ITGA1: variants seen among roughly 807,000 people sequenced by gnomAD.
ITGA1 encodes integrin subunit alpha 1.
A neutral mutation model predicts 145.9 loss-of-function variants in ITGA1; 85 were observed. The observed-to-expected ratio is 0.58, with a 90% CI of 0.49 to 0.70. The LOEUF (loss-of-function observed/expected upper bound fraction) is 0.70, where lower values mean the gene tolerates loss of function less well. Ranked by LOEUF, ITGA1 falls within the 30% of genes least tolerant of loss-of-function variation. ITGA1 has a pLI of 0.00. For synonymous variants in ITGA1, 520 were observed against 495.3 expected (o/e 1.05, Z -0.66); for missense variants, 1,351 against 1,418.7 (o/e 0.95, Z 0.77).
At chr5:52,838,918 G>A (rs984637221) in intron 1 of ITGA1, among the ~76,000 whole-genome samples, 1 of 152,020 alleles carries the variant, frequency 6.6e-6, no homozygotes, top group African/African-American at 2.4e-5. Context: ...GCAACGTGAC[G>A]AGCACTTTTC....
chr5:52,927,709 G>T, intron 20 of ITGA1, 45 bp downstream of exon 20: 1 of 1,230,418 alleles, frequency 8.1e-7, no homozygotes, highest in South Asian at 1.3e-5. Flanking sequence ...AATATGAAAA[G>T]TAATATGTGC....
At chr5:52,898,752 G>A in intron 11 of ITGA1, among the ~76,000 whole-genome samples, 1 of 152,086 alleles carries the variant, frequency 6.6e-6, no homozygotes, top group South Asian at 2.1e-4. Flanking sequence ...CCTATATCCT[G>A]AAAACCAAAC....
rs553902408 is a variant in ITGA1 at position 52,800,407 on chromosome 5, A to G, written c.61+11993A>G. The G allele has an allele frequency of 2.4e-5, 39 of 1,613,910 alleles. No homozygotes were observed. The South Asian group carries it at 4.2e-4, about 17-fold the overall frequency. ...CCCTTCCTTGGCCATGAAGCTCGTG[A>G]GGAAGAACATCGAGAAGGACAATGC... On this transcript the variant is annotated intron_variant, in intron 1 of 28. Coordinates refer to ENST00000282588, the MANE Select transcript of ITGA1 (RefSeq NM_181501.2).
chr5:52,875,722 T>C (rs982237978), intron 6 of ITGA1, among the ~76,000 whole-genome samples: 1 of 152,196 alleles, frequency 6.6e-6, no homozygotes, highest in African/African-American at 2.4e-5. Context: ...CGGTTGCACC[T>C]TTTTAGCTGT....
intron 14 of ITGA1, among the ~76,000 whole-genome samples, chr5:52,915,007 A>T (rs1283521163): frequency 6.6e-6 from 1 of 152,138 alleles, no homozygotes; most frequent in African/African-American, 2.4e-5. Flanking sequence ...ATTTGATGGG[A>T]TGTGTTATTT....
chr5:52,954,905 C>A lies in ITGA1; in HGVS notation c.*2454C>A, dbSNP rs1400524918. ...ACAGCTTTGTACAAATGTTATAAAA[C>A]ATATTTAATGATTAAGAAATGTACT... On this transcript the variant is annotated 3_prime_UTR_variant, in exon 29 of 29. Transcript: ENST00000282588. 1.3e-5 allele frequency: 2 copies of A among 152,006 alleles called. No individual in the cohort carries two copies. Among genetic ancestry groups the A allele is most frequent in the Admixed American group, 1.3e-4 (2 of 15,258 alleles). 9.4% of individuals were successfully genotyped at this position (152,006 alleles called of 1,614,324 possible). A position where few individuals can be genotyped will look rare whatever the true frequency, so the allele number is the denominator to read the frequency against.
rs1750078821 is a variant in ITGA1, at chr5:52,887,838, G to A, written c.797G>A (p.Arg266Gln). ...TARKEAFTEARGARRGVKKVM... is the reference protein window; with the variant it reads ...TARKEAFTEAQGARRGVKKVM... Reference sequence around the variant, plus strand: ...AGAAAGGAGGCATTCACGGAAGCCCGGGGTGCCCGAAGAGGAGTTAAAAAA... The same window carrying A: ...AGAAAGGAGGCATTCACGGAAGCCCAGGGTGCCCGAAGAGGAGTTAAAAAA... Residue 266 changes from arginine (R) to glutamine (Q), a missense_variant, in exon 8 of 29, where the codon CGG becomes CAG. Physicochemically the swap from Arg to Gln is conservative, Grantham distance 43. Coordinates refer to ENST00000282588, the MANE Select transcript of ITGA1 (RefSeq NM_181501.2). 12 of 1,612,948 alleles carry A rather than the reference G, an allele frequency of 7.4e-6. 1 individual carries two copies. The highest frequency in any genetic ancestry group is 1.6e-4 in the Middle Eastern group (1 of 6,082).
rs756691477 is a variant in ITGA1 at position 52,864,964 on chromosome 5, T to G, written c.385-7T>G. 4 of 1,601,660 alleles carry G rather than the reference T, an allele frequency of 2.5e-6. No homozygotes were observed. ...ATGATTTCTAATTTTAAAACAATTTTTTAAAGGCTTGTGGGCCCTTATATG... is the reference window on the plus strand; with the variant it reads ...ATGATTTCTAATTTTAAAACAATTTGTTAAAGGCTTGTGGGCCCTTATATG... On this transcript the variant is annotated splice_region_variant and splice_polypyrimidine_tract_variant and intron_variant, in intron 4 of 28. Transcript: ENST00000282588.
intron 1 of ITGA1, chr5:52,800,188 G>T (rs1580027326): frequency 5.1e-6 from 3 of 590,246 alleles, no homozygotes; most frequent in East Asian, 5.7e-5. Context: ...GACGCAGCGC[G>T]CCGGGAGACT....
At chr5:52,801,493 G>C (rs1263222616) in intron 1 of ITGA1, 2 of 1,613,986 alleles carry the variant, frequency 1.2e-6, no homozygotes, top group East Asian at 2.2e-5. Context: ...AGACACTAAA[G>C]CTGCTGGGGA....
chr5:52,804,767 C>T (rs889696850), intron 1 of ITGA1, among the ~76,000 whole-genome samples: 1 of 152,210 alleles, frequency 6.6e-6, no homozygotes, highest in Admixed American at 6.5e-5. Context: ...GGTTATAGTA[C>T]ATTTAAACCA....
chr5:52,807,241 C>A (rs547812696), intron 1 of ITGA1, among the ~76,000 whole-genome samples: 1 of 152,260 alleles, frequency 6.6e-6, no homozygotes, highest in South Asian at 2.1e-4. Flanking sequence ...AGTCATATTG[C>A]CTGGCTTTGC....
intron 1 of ITGA1, among the ~76,000 whole-genome samples, chr5:52,830,010 A>G (rs1749033686): frequency 6.6e-6 from 1 of 152,204 alleles, no homozygotes; most frequent in South Asian, 2.1e-4. Flanking sequence ...CTCATTTCAT[A>G]TATCAGTTAA....
chr5:52,842,467 T>C (rs1260566788), intron 1 of ITGA1, among the ~76,000 whole-genome samples: 1 of 152,198 alleles, frequency 6.6e-6, no homozygotes, highest in African/African-American at 2.4e-5. Context: ...AAAAGTCCTC[T>C]TTTGAAAGAA....
At chr5:52,933,703 C>T in intron 22 of ITGA1, 191 bp from the exon 23 acceptor site, 1 of 317,144 alleles carries the variant, frequency 3.2e-6, no homozygotes, top group Non-Finnish European at 5.8e-6. Context: ...GACTATTGAA[C>T]TAAATTACAT....
At position 52,952,580 on chromosome 5, in the gene ITGA1, A is replaced by C. The variant is rs1751239131; in HGVS notation, c.*129A>C. The C allele has an allele frequency of 2.5e-6, 1 of 407,356 alleles. No individual in the cohort carries two copies. The highest frequency in any genetic ancestry group is 5.8e-5 in the South Asian group (1 of 17,226). 25.2% of individuals were successfully genotyped at this position (407,356 alleles called of 1,614,324 possible). Reference sequence around the variant, plus strand: ...CTATGTAATCCATCAGGGATTCATTACTTGGAAAATGACAGGTCATGCATT... The same window carrying C: ...CTATGTAATCCATCAGGGATTCATTCCTTGGAAAATGACAGGTCATGCATT... On this transcript the variant is annotated 3_prime_UTR_variant, in exon 29 of 29. Transcript: ENST00000282588.
At chr5:52,790,281 T>C (rs1407952695) in intron 1 of ITGA1, among the ~76,000 whole-genome samples, 2 of 152,220 alleles carry the variant, frequency 1.3e-5, no homozygotes, top group Non-Finnish European at 2.9e-5. Flanking sequence ...TTGTTGCCTT[T>C]AAGATAAAAT....
chr5:52,825,591 C>A (rs899554988), intron 1 of ITGA1, among the ~76,000 whole-genome samples: 3 of 152,064 alleles, frequency 2.0e-5, no homozygotes, highest in African/African-American at 7.2e-5. Context: ...TTTTCTTGGG[C>A]CTCTCTATTG....
intron 10 of ITGA1, among the ~76,000 whole-genome samples, chr5:52,897,788 A>G (rs1435720164): frequency 6.6e-6 from 1 of 152,200 alleles, no homozygotes; most frequent in Non-Finnish European, 1.5e-5. Context: ...CCTTGTAATT[A>G]TGTATCTGTC....
Sources: gnomAD v4.1 joint callset for allele counts (sites outside exome capture counted in the v4.1 genomes callset) on GRCh38, gnomAD v4.1.1 for gene constraint, MANE v1.5 for transcripts, NCBI Gene and HGNC (gene_info 2026-07-23, HGNC 2026-07-21) for gene names.